The following TASP1 variants were observed in gnomAD, a reference collection of about 807,000 sequenced individuals.
The protein encoded by TASP1 is taspase 1, also known as threonine aspartase 1.
TASP1 carries 16 observed loss-of-function variants against 56.6 expected under a neutral mutation model. The ratio of observed to expected loss-of-function variants is 0.28; its 90% CI spans 0.19 to 0.43. The LOEUF (loss-of-function observed/expected upper bound fraction) is 0.43, where lower values mean the gene tolerates loss of function less well. TASP1 is among the 20% of genes least tolerant of loss of function. TASP1 has a pLI of 1.00. For synonymous variants in TASP1, 179 were observed against 184.2 expected (o/e 0.97, Z 0.23); for missense variants, 393 against 511.6 (o/e 0.77, Z 2.24).
chr20:13,469,258 T>A (rs1568842090), intron 11 of TASP1, among the ~76,000 whole-genome samples: 2 of 152,162 alleles, frequency 1.3e-5, no homozygotes, highest in African/African-American at 4.8e-5. Flanking sequence ...CCCAAAGGCC[T>A]GGGTGAAGAA....
the TASP1 span, chr20:13,300,256 C>T: frequency 6.6e-6 from 1 of 152,194 alleles, no homozygotes; most frequent in Non-Finnish European, 1.5e-5. Context: ...GTTCAGAAGA[C>T]TGCAGCCAAG....
the TASP1 span, among the ~76,000 whole-genome samples, chr20:13,327,130 C>T: frequency 6.6e-6 from 1 of 152,290 alleles, no homozygotes. Context: ...GATAGAAAAT[C>T]AACGTGCAAA....
At chr20:13,393,952 T>G (rs1427329873) in intron 13 of TASP1, among the ~76,000 whole-genome samples, 2 of 152,098 alleles carry the variant, frequency 1.3e-5, no homozygotes, top group Non-Finnish European at 2.9e-5. Context: ...GGCTGAAAAG[T>G]GAATCATACT....
chr20:13,582,877 A>G (rs941591451), intron 5 of TASP1, among the ~76,000 whole-genome samples: 20 of 152,158 alleles, frequency 1.3e-4, no homozygotes, highest in Admixed American at 1.2e-3. Context: ...GCCAGCTAGC[A>G]CAATAGGTAA....
At chr20:13,247,517 G>GGGGGGT in the TASP1 span, among the ~76,000 whole-genome samples, 11 of 139,806 alleles carry the variant, frequency 7.9e-5, no homozygotes, top group Admixed American at 2.1e-4. Flanking sequence ...CAAAGTGAGG[G>GGGGGGT]GTGTGTGTGT....
the TASP1 span, among the ~76,000 whole-genome samples, chr20:13,278,843 C>T: frequency 2.7e-3 from 407 of 152,298 alleles, no homozygotes; most frequent in African/African-American, 9.0e-3. Context: ...CAGAGCTAGA[C>T]GTGGGCTGAG....
chr20:13,379,275 G>A, the TASP1 span, among the ~76,000 whole-genome samples: 2 of 152,154 alleles, frequency 1.3e-5, no homozygotes, highest in Non-Finnish European at 2.9e-5. Context: ...GCCTGGTGGT[G>A]ACAAAATCTC....
chr20:13,335,317 C>T, the TASP1 span, among the ~76,000 whole-genome samples: 1 of 141,572 alleles, frequency 7.1e-6, no homozygotes, highest in Non-Finnish European at 1.5e-5. Context: ...ACTCTCCCCT[C>T]ACCTATGCAC....
At chr20:13,433,670 C>A (rs2042896025) in intron 12 of TASP1, among the ~76,000 whole-genome samples, 1 of 151,326 alleles carries the variant, frequency 6.6e-6, no homozygotes, top group Non-Finnish European at 1.5e-5. Flanking sequence ...ATTTTTTATA[C>A]CCATAAAAAA....
chr20:13,451,873 T>G (rs1249877148), intron 11 of TASP1, among the ~76,000 whole-genome samples: 1 of 152,098 alleles, frequency 6.6e-6, no homozygotes, highest in African/African-American at 2.4e-5. Context: ...ATTTCTAGCT[T>G]TTGACTTAAA....
At chr20:13,468,570 T>A (rs993452562) in intron 11 of TASP1, among the ~76,000 whole-genome samples, 4 of 152,210 alleles carry the variant, frequency 2.6e-5, no homozygotes, top group Middle Eastern at 3.2e-3. Flanking sequence ...ATAATAATTA[T>A]GGATTTATTT....
At chr20:13,244,302 C>G in the TASP1 span, 2 of 143,288 alleles carry the variant, frequency 1.4e-5, no homozygotes, top group African/African-American at 2.6e-5. Context: ...AGAGGGGACT[C>G]TCTCGACACT....
intron 11 of TASP1, among the ~76,000 whole-genome samples, chr20:13,452,777 G>A (rs990790850): frequency 2.0e-5 from 3 of 151,982 alleles, no homozygotes; most frequent in African/African-American, 7.2e-5. Flanking sequence ...TTGGATAATG[G>A]GTTGAACTTG....
Position 13,630,687 on chromosome 20 carries a change from CAAAAAA to C in TASP1, c.-74-541_-74-536del, listed in dbSNP as rs33973259. On this transcript the variant is annotated intron_variant, in intron 1 of 13. Coordinates refer to ENST00000337743, the MANE Select transcript of TASP1 (RefSeq NM_017714.3). ...CTGGGCAACAAAGTAAGCTCTGTCT[CAAAAAA>C]AAAAAAAAAAAAAAAAAGGAGTCTC... Among the ~76,000 whole-genome samples, 409 of 65,572 alleles carry C rather than the reference CAAAAAA, an allele frequency of 6.2e-3. 3 individuals are homozygous for C. The highest frequency in any genetic ancestry group is 0.022 in the African/African-American group (381 of 17,410). The allele number at this position is 65,572 out of a possible 152,430, so 43.0% of individuals were successfully genotyped here. A position where few individuals can be genotyped will look rare whatever the true frequency, so the allele number is the denominator to read the frequency against.
the TASP1 span, among the ~76,000 whole-genome samples, chr20:13,272,931 C>T: frequency 9.0e-3 from 1,378 of 152,308 alleles, 27 homozygotes; most frequent in African/African-American, 0.031. Context: ...CTGTGGCTAG[C>T]GCTTTTTCCC....
chr20:13,413,404 A>AT (rs2042154924), intron 13 of TASP1, among the ~76,000 whole-genome samples: 11 of 152,144 alleles, frequency 7.2e-5, no homozygotes. Context: ...GCTGAGTAAT[A>AT]TAACAAAAAA....
chr20:13,284,489 A>G, the TASP1 span, among the ~76,000 whole-genome samples: 1 of 152,206 alleles, frequency 6.6e-6, no homozygotes, highest in Non-Finnish European at 1.5e-5. Flanking sequence ...AGCTGCTCAC[A>G]TTCATTTTCT....
chr20:13,573,943 C>A (rs184163778), intron 6 of TASP1, among the ~76,000 whole-genome samples: 2 of 152,172 alleles, frequency 1.3e-5, no homozygotes, highest in Admixed American at 1.3e-4. Flanking sequence ...GTGACATAGT[C>A]GGGCATCCAG....
At chr20:13,128,558 G>T in the TASP1 span, among the ~76,000 whole-genome samples, 1 of 152,288 alleles carries the variant, frequency 6.6e-6, no homozygotes, top group Non-Finnish European at 1.5e-5. Flanking sequence ...TTATCACCTT[G>T]CTTACAATTA....
Sources: allele counts gnomAD v4.1 joint callset (sites outside exome capture counted in the v4.1 genomes callset), GRCh38; gene constraint gnomAD v4.1.1; transcripts MANE v1.5; gene names NCBI Gene and HGNC (gene_info 2026-07-23, HGNC 2026-07-21).